DLGAP2: variants seen among roughly 807,000 people sequenced by gnomAD.
DLGAP2 encodes disks large-associated protein 2.
DLGAP2 carries 26 observed loss-of-function variants against 100.3 expected under a neutral mutation model. The ratio of observed to expected loss-of-function variants is 0.26; its 90% CI spans 0.19 to 0.36. DLGAP2 has a LOEUF of 0.36. DLGAP2 is among the 10% of genes least tolerant of loss of function. The pLI is 1.00. For synonymous variants in DLGAP2, 886 were observed against 630.1 expected, an observed-to-expected ratio of 1.41 and a Z score of -6.08; for missense variants, 1,858 against 1,453.2, an observed-to-expected ratio of 1.28 and a Z score of -4.53.
At chr8:1,528,352 C>T (rs1800866562) in intron 4 of DLGAP2, among the ~76,000 whole-genome samples, 1 of 152,218 alleles carries the variant, frequency 6.6e-6, no homozygotes, top group Non-Finnish European at 1.5e-5. Flanking sequence ...GTGAACAGGG[C>T]ATTGTTCCCA....
At chr8:1,487,801 C>G (rs146045608) in intron 3 of DLGAP2, among the ~76,000 whole-genome samples, 1 of 152,160 alleles carries the variant, frequency 6.6e-6, no homozygotes, top group Non-Finnish European at 1.5e-5. Flanking sequence ...TGGTCGAGTA[C>G]GAGTAGTCGG....
At chr8:863,393 A>C (rs1003366289) in intron 1 of DLGAP2, among the ~76,000 whole-genome samples, 1 of 152,142 alleles carries the variant, frequency 6.6e-6, no homozygotes, top group Non-Finnish European at 1.5e-5. Context: ...CTGTCCTTAG[A>C]CTCACTGTGA....
At chr8:1,222,890 C>T (rs563389785) in intron 2 of DLGAP2, among the ~76,000 whole-genome samples, 3 of 152,126 alleles carry the variant, frequency 2.0e-5, no homozygotes, top group African/African-American at 7.2e-5. Context: ...ATCCCAGGAG[C>T]CGGCCAGCCG....
intron 3 of DLGAP2, among the ~76,000 whole-genome samples, chr8:1,428,723 G>C (rs6558471): frequency 6.6e-6 from 1 of 152,096 alleles, no homozygotes; most frequent in Non-Finnish European, 1.5e-5. Flanking sequence ...GGATGGCTCA[G>C]TGCCAGCAAA....
At chr8:1,204,978 A>G (rs1797959010) in intron 2 of DLGAP2, among the ~76,000 whole-genome samples, 1 of 152,180 alleles carries the variant, frequency 6.6e-6, no homozygotes, top group African/African-American at 2.4e-5. Context: ...TGGGGCTGAC[A>G]GCTCCATTGT....
At chr8:855,510 A>G (rs1057327159) in intron 1 of DLGAP2, among the ~76,000 whole-genome samples, 6 of 152,172 alleles carry the variant, frequency 3.9e-5, no homozygotes, top group African/African-American at 1.4e-4. Flanking sequence ...TTCAAGAAGG[A>G]GGGTGTTTAA....
At chr8:1,185,012 G>A (rs959871019) in intron 2 of DLGAP2, among the ~76,000 whole-genome samples, 3 of 152,066 alleles carry the variant, frequency 2.0e-5, no homozygotes, top group Admixed American at 2.0e-4. Context: ...GCTGTTGAAG[G>A]GTCTGACCCG....
chr8:1,489,667 C>T (rs1285208152), intron 3 of DLGAP2, among the ~76,000 whole-genome samples: 4 of 152,300 alleles, frequency 2.6e-5, no homozygotes, highest in Admixed American at 6.5e-5. Flanking sequence ...GCCATAATTC[C>T]GCTCATCAGA....
chr8:879,167 G>C (rs979452547), intron 1 of DLGAP2, among the ~76,000 whole-genome samples: 1 of 152,226 alleles, frequency 6.6e-6, no homozygotes, highest in Non-Finnish European at 1.5e-5. Flanking sequence ...GGATGTGTCA[G>C]TTTGGGTTGG....
chr8:1,176,584 C>G (rs1797263302), intron 2 of DLGAP2, among the ~76,000 whole-genome samples: 1 of 108,740 alleles, frequency 9.2e-6, no homozygotes, highest in Non-Finnish European at 2.0e-5. Context: ...TCCCACCCAT[C>G]TCAATCCAGT....
intron 2 of DLGAP2, among the ~76,000 whole-genome samples, chr8:945,696 G>A (rs2129006267): frequency 6.6e-6 from 1 of 152,220 alleles, no homozygotes; most frequent in South Asian, 2.1e-4. Context: ...CATTTCTTTA[G>A]CAGCATCTTT....
At chr8:1,195,411 A>T (rs1797730448) in intron 2 of DLGAP2, among the ~76,000 whole-genome samples, 1 of 152,226 alleles carries the variant, frequency 6.6e-6, no homozygotes, top group Non-Finnish European at 1.5e-5. Flanking sequence ...TTAATGAAAA[A>T]CATGGTGAAG....
rs144512611 is a variant in DLGAP2 at position 1,020,966 on chromosome 8, T to G, written c.73+113000T>G. Among the ~76,000 whole-genome samples, 4 of 152,268 alleles carry G rather than the reference T, an allele frequency of 2.6e-5. No homozygotes were observed. The East Asian group carries it at 7.7e-4, about 29-fold the overall frequency. On this transcript the variant is annotated intron_variant, in intron 2 of 14. Transcript: ENST00000637795. ...GCAAAGCAATTAATCAATATCCCACTGCAGTAGGACAAAGTGTTATGCACC... is the reference window on the plus strand; with the variant it reads ...GCAAAGCAATTAATCAATATCCCACGGCAGTAGGACAAAGTGTTATGCACC...
At chr8:1,019,355 A>C (rs1425802519) in intron 2 of DLGAP2, 1 of 152,020 alleles carries the variant, frequency 6.6e-6, no homozygotes, top group African/African-American at 2.4e-5. Flanking sequence ...GGACCAGAGA[A>C]TCTCTGCTGC....
chr8:1,650,411 A>G (rs1798135932), intron 8 of DLGAP2, among the ~76,000 whole-genome samples: 1 of 152,234 alleles, frequency 6.6e-6, no homozygotes, highest in South Asian at 2.1e-4. Context: ...TCTTCTAAAT[A>G]TTGACAGCAT....
intron 2 of DLGAP2, among the ~76,000 whole-genome samples, chr8:1,256,566 C>CTGTGTG (rs1799224900): frequency 1.3e-5 from 2 of 151,056 alleles, no homozygotes; most frequent in Admixed American, 1.3e-4. Flanking sequence ...CCTTTCCTGC[C>CTGTGTG]CGGGTGCTGT....
At chr8:824,766 A>G (rs1428822254) in intron 1 of DLGAP2, among the ~76,000 whole-genome samples, 2 of 152,266 alleles carry the variant, frequency 1.3e-5, no homozygotes, top group East Asian at 3.9e-4. Flanking sequence ...ATCAGCAGCA[A>G]AAGAAGCTCT....
intron 3 of DLGAP2, among the ~76,000 whole-genome samples, chr8:1,278,887 T>A (rs1180858380): frequency 2.0e-5 from 3 of 152,172 alleles, no homozygotes; most frequent in Non-Finnish European, 2.9e-5. Flanking sequence ...CAATTTAATG[T>A]TTAGGGGATA....
rs1034855796 is a variant in DLGAP2 at position 1,616,176 on chromosome 8, A to C, written c.1443-10564A>C. On this transcript the variant is annotated intron_variant, in intron 6 of 14. Transcript: ENST00000637795. Reference sequence around the variant, plus strand: ...GCAGGAAAAAAGCTTAGTAATTTGAAAATGAAACAGTAGATATTCTCAAAT... The same window carrying C: ...GCAGGAAAAAAGCTTAGTAATTTGACAATGAAACAGTAGATATTCTCAAAT... Among the ~76,000 whole-genome samples the C allele has an allele frequency of 5.9e-5, 9 of 152,322 alleles. No homozygotes were observed. In the East Asian group the frequency reaches 1.7e-3, roughly 29 times the overall value.
Sources: allele counts gnomAD v4.1 joint callset (sites outside exome capture counted in the v4.1 genomes callset), GRCh38; gene constraint gnomAD v4.1.1; transcripts MANE v1.5; gene names NCBI Gene and HGNC (gene_info 2026-07-23, HGNC 2026-07-21).